The following RIC8B variants were observed in gnomAD, a reference collection of about 807,000 sequenced individuals.
The protein encoded by RIC8B is RIC8 guanine nucleotide exchange factor B, also known as chaperone Ric-8B.
In RIC8B, 16 loss-of-function variants were observed where a neutral mutation model predicts 57.5. The ratio of observed to expected loss-of-function variants is 0.28; its 90% confidence interval spans 0.19 to 0.42. The LOEUF is 0.42. Among genes scored for constraint, RIC8B ranks in the 10% least tolerant of loss-of-function variants. The pLI, the probability that RIC8B is intolerant of heterozygous loss-of-function variation, is 1.00. For missense variants in RIC8B, 481 were observed against 677.0 expected, an observed-to-expected ratio of 0.71 and a Z score of 3.21; for synonymous variants, 216 against 250.8, an observed-to-expected ratio of 0.86 and a Z score of 1.31.
At position 106,799,459 on chromosome 12, in the gene RIC8B, TGC is replaced by T. The variant is rs895589820; in HGVS notation, c.133-15236_133-15235del. 7.5e-3 allele frequency among the ~76,000 whole-genome samples: 1,142 copies of T among 152,356 alleles called. 14 individuals are homozygous for T. The highest frequency in any genetic ancestry group is 0.027 in the African/African-American group (1,102 of 41,572). On this transcript the variant is annotated intron_variant, in intron 2 of 9. Coordinates refer to ENST00000392837, the MANE Select transcript of RIC8B (RefSeq NM_001330145.2). ...GTAGCTCAAGTGATTTCAAGAAATT[TGC>T]CCAAGATTACCTAGCCACAGGGGCA...
At chr12:106,877,113 A>G (rs1950700120) in intron 9 of RIC8B, among the ~76,000 whole-genome samples, 1 of 152,110 alleles carries the variant, frequency 6.6e-6, no homozygotes, top group South Asian at 2.1e-4. Context: ...CATGTGATCT[A>G]ACAGAAATGT....
chr12:106,830,212 G>C (rs560080501), intron 4 of RIC8B, among the ~76,000 whole-genome samples: 1 of 152,320 alleles, frequency 6.6e-6, no homozygotes, highest in South Asian at 2.1e-4. Context: ...TTCTAAAAAA[G>C]AGTGTCATGG....
chr12:106,830,305 A>C (rs2046300995), intron 4 of RIC8B, among the ~76,000 whole-genome samples: 1 of 152,228 alleles, frequency 6.6e-6, no homozygotes, highest in Admixed American at 6.5e-5. Flanking sequence ...CTAATTACAC[A>C]AGGCAGACTT....
At chr12:106,777,183 A>T (rs2043535055) in intron 1 of RIC8B, among the ~76,000 whole-genome samples, 1 of 152,176 alleles carries the variant, frequency 6.6e-6, no homozygotes, top group South Asian at 2.1e-4. Flanking sequence ...CATATTTAAT[A>T]CTGACTGTAG....
chr12:106,812,779 C>T (rs2045393586), intron 2 of RIC8B, among the ~76,000 whole-genome samples: 1 of 152,130 alleles, frequency 6.6e-6, no homozygotes, highest in Non-Finnish European at 1.5e-5. Flanking sequence ...ATTATACTTT[C>T]CACTATCCCC....
Position 106,774,686 on chromosome 12 carries a change from T to C in RIC8B, c.-60T>C. 1 of 1,404,452 alleles carries C rather than the reference T, an allele frequency of 7.1e-7. No individual in the cohort carries two copies. Among genetic ancestry groups the C allele is most frequent in the Non-Finnish European group, 9.8e-7 (1 of 1,018,954 alleles). The allele number at this position is 1,404,452 out of a possible 1,614,324, so 87.0% of individuals were successfully genotyped here. On this transcript the variant is annotated 5_prime_UTR_variant, in exon 1 of 10. Coordinates refer to ENST00000392837, the MANE Select transcript of RIC8B (RefSeq NM_001330145.2). The stretch of plus-strand genomic sequence containing the variant: ...AGGAGCGAGCGGGGGCGCGAGGCGT[T>C]TACCTGGAGGCAGCGGCTTGGGCGC...
At chr12:106,816,014 A>G (rs1346524051) in intron 3 of RIC8B, among the ~76,000 whole-genome samples, 1 of 152,214 alleles carries the variant, frequency 6.6e-6, no homozygotes, top group Non-Finnish European at 1.5e-5. Flanking sequence ...GAGTACCCAC[A>G]AGAACAATAT....
In RIC8B at chr12:106,825,840, A is replaced by C; in HGVS notation, c.836+20A>C. 1 of 1,497,182 alleles carries C rather than the reference A, an allele frequency of 6.7e-7. No individual in the cohort carries two copies. The highest frequency in any genetic ancestry group is 9.3e-7 in the Non-Finnish European group (1 of 1,073,338). The allele number at this position is 1,497,182 out of a possible 1,614,324, so 92.7% of individuals were successfully genotyped here. A position where few individuals can be genotyped will look rare whatever the true frequency, so the allele number is the denominator to read the frequency against. On this transcript the variant is annotated intron_variant, in intron 4 of 9. Coordinates refer to ENST00000392837, the MANE Select transcript of RIC8B (RefSeq NM_001330145.2). ...ACACAGGTGGGTAAGCTCTGTATTGATATCCCAATGAAGGACATCATCAGT... is the reference window on the plus strand; with the variant it reads ...ACACAGGTGGGTAAGCTCTGTATTGCTATCCCAATGAAGGACATCATCAGT...
Position 106,879,534 on chromosome 12 carries a change from G to GA in RIC8B, c.1572-6360dup, listed in dbSNP as rs968958134. The GA allele has an allele frequency of 0.018, 13,238 of 739,718 alleles. 29 individuals carry two copies. The highest frequency in any genetic ancestry group is 0.039 in the African/African-American group (2,012 of 51,458). 45.8% of individuals were successfully genotyped at this position (739,718 alleles called of 1,614,324 possible). On this transcript the variant is annotated intron_variant, in intron 9 of 9. Transcript: ENST00000392837. This position sits in a 1 kb window ranked among gnomAD's most constrained non-coding sequence, Gnocchi z 4.9. Reference sequence around the variant, plus strand: ...TCAGGAAAATGTTAAAATATATCTGGAAAAAAAAAACAGACCAGAATATTT... The same window carrying GA: ...TCAGGAAAATGTTAAAATATATCTGGAAAAAAAAAAACAGACCAGAATATTT...
chr12:106,862,115 T>C (rs1035070998), intron 8 of RIC8B, among the ~76,000 whole-genome samples: 3 of 152,108 alleles, frequency 2.0e-5, no homozygotes, highest in African/African-American at 7.2e-5. Flanking sequence ...TGGCTCTCTG[T>C]CATGGAAAGT....
intron 2 of RIC8B, among the ~76,000 whole-genome samples, chr12:106,808,075 ACT>A (rs1344917489): frequency 7.1e-6 from 1 of 141,410 alleles, no homozygotes; most frequent in African/African-American, 2.7e-5. Flanking sequence ...AAAGAGCGAG[ACT>A]CTGTCTCAAA....
intron 9 of RIC8B, among the ~76,000 whole-genome samples, chr12:106,884,330 A>G (rs546859183): frequency 6.6e-6 from 1 of 152,316 alleles, no homozygotes; most frequent in Non-Finnish European, 1.5e-5. Flanking sequence ...TCACATAGTC[A>G]TTGAACAGAT....
intron 9 of RIC8B, among the ~76,000 whole-genome samples, chr12:106,871,753 C>G (rs1006971474): frequency 5.9e-5 from 9 of 152,182 alleles, no homozygotes; most frequent in African/African-American, 2.2e-4. Context: ...TGCATTTCTT[C>G]TGGCCATCCC....
chr12:106,871,875 G>A (rs951296481), intron 9 of RIC8B, among the ~76,000 whole-genome samples: 2 of 152,192 alleles, frequency 1.3e-5, no homozygotes, highest in African/African-American at 2.4e-5. Flanking sequence ...ACACAGAAAC[G>A]AGCAGAGATT....
intron 9 of RIC8B, chr12:106,873,089 A>G: frequency 1.0e-6 from 1 of 985,390 alleles, no homozygotes; most frequent in Non-Finnish European, 1.2e-6. Flanking sequence ...TCAAGTCTGA[A>G]ATACCCCAGC....
intron 9 of RIC8B, chr12:106,871,485 AAAAAAAAAAAAAACC>A (rs1304953991): frequency 7.0e-6 from 1 of 142,404 alleles, no homozygotes; most frequent in Non-Finnish European, 1.5e-5. Context: ...AAAAAAAAAA[AAAAAAAAAAAAAACC>A]AAAAAACTCC....
At chr12:106,788,211 C>T in intron 2 of RIC8B, among the ~76,000 whole-genome samples, 1 of 152,196 alleles carries the variant, frequency 6.6e-6, no homozygotes, top group East Asian at 1.9e-4. Flanking sequence ...ACATCTAGGT[C>T]ACGGTGATTC....
chr12:106,833,015 C>CT (rs1219086903), intron 4 of RIC8B, among the ~76,000 whole-genome samples: 2 of 152,036 alleles, frequency 1.3e-5, no homozygotes, highest in Non-Finnish European at 2.9e-5. Flanking sequence ...AAAAAAAAAT[C>CT]TTTTATCGGA....
At chr12:106,775,539 C>T (rs1296380679) in intron 1 of RIC8B, 2 of 327,556 alleles carry the variant, frequency 6.1e-6, no homozygotes, top group African/African-American at 4.3e-5. Context: ...GTATTATCTG[C>T]ATTTTGCAAT....
Sources: gnomAD v4.1 joint callset for allele counts (sites outside exome capture counted in the v4.1 genomes callset) on GRCh38, gnomAD v4.1.1 for gene constraint, Gnocchi (gnomAD v3.1) non-coding constraint, MANE v1.5 for transcripts, NCBI Gene and HGNC (gene_info 2026-07-23, HGNC 2026-07-21) for gene names.